The following MCTP1 variants were observed in gnomAD, a reference collection of about 807,000 sequenced individuals.
MCTP1 encodes the protein multiple C2 and transmembrane domain-containing protein 1.
Under a neutral mutation model 120.6 loss-of-function variants are expected in MCTP1, and 69 were observed. The ratio of observed to expected loss-of-function variants is 0.57; its 90% CI spans 0.47 to 0.70. MCTP1 has a LOEUF of 0.70. MCTP1 is among the 30% of genes least tolerant of loss of function. The pLI is 0.00. For synonymous variants in MCTP1, 529 were observed against 493.1 expected, an observed-to-expected ratio of 1.07 and a Z score of -0.96; for missense variants, 1,203 against 1,248.8, an observed-to-expected ratio of 0.96 and a Z score of 0.55.
chr5:95,200,708 TA>T (rs1380202557), intron 1 of MCTP1, among the ~76,000 whole-genome samples: 5 of 152,332 alleles, frequency 3.3e-5, no homozygotes, highest in Admixed American at 2.6e-4. Flanking sequence ...TAGATAAAAG[TA>T]ATAAGTTTAA....
intron 17 of MCTP1, among the ~76,000 whole-genome samples, chr5:94,813,555 C>T (rs755944916): frequency 6.6e-6 from 1 of 152,028 alleles, no homozygotes; most frequent in East Asian, 1.9e-4. Flanking sequence ...TAGAAACAAT[C>T]CAAATGTTTA....
At chr5:94,814,800 G>T (rs1329893196) in intron 17 of MCTP1, among the ~76,000 whole-genome samples, 1 of 152,082 alleles carries the variant, frequency 6.6e-6, no homozygotes, top group Non-Finnish European at 1.5e-5. Context: ...CTTGGCACAG[G>T]AGAATGAGGA....
chr5:95,165,467 C>T (rs1471393018), intron 1 of MCTP1, among the ~76,000 whole-genome samples: 1 of 152,164 alleles, frequency 6.6e-6, no homozygotes, highest in African/African-American at 2.4e-5. Flanking sequence ...TGTGATTACA[C>T]ATCTATATCA....
intron 1 of MCTP1, among the ~76,000 whole-genome samples, chr5:95,025,179 G>A (rs559659537): frequency 3.9e-5 from 6 of 152,158 alleles, no homozygotes; most frequent in Non-Finnish European, 8.8e-5. Flanking sequence ...ATTACAAAGT[G>A]ATAATAATCA....
chr5:95,076,653 C>T (rs1296895113), intron 1 of MCTP1, among the ~76,000 whole-genome samples: 2 of 152,032 alleles, frequency 1.3e-5, no homozygotes, highest in Admixed American at 6.6e-5. Flanking sequence ...AGGGAAATCA[C>T]CACCAGAAAA....
intron 1 of MCTP1, among the ~76,000 whole-genome samples, chr5:95,185,192 T>A (rs1398997269): frequency 6.6e-6 from 1 of 152,090 alleles, no homozygotes; most frequent in East Asian, 1.9e-4. Flanking sequence ...TCAACTTACT[T>A]TATGAGGCTA....
intron 1 of MCTP1, among the ~76,000 whole-genome samples, chr5:95,116,190 A>C (rs1245411638): frequency 2.0e-5 from 3 of 152,216 alleles, no homozygotes; most frequent in Non-Finnish European, 2.9e-5. Flanking sequence ...AAGACAATAA[A>C]AAAGCAATAA....
chr5:95,279,815 A>G (rs573689953), intron 1 of MCTP1, among the ~76,000 whole-genome samples: 1 of 152,308 alleles, frequency 6.6e-6, no homozygotes, highest in Non-Finnish European at 1.5e-5. Context: ...GCTATCACAC[A>G]TCAAACTCCA....
intron 19 of MCTP1, among the ~76,000 whole-genome samples, chr5:94,753,995 G>A (rs1769136414): frequency 6.6e-6 from 1 of 152,140 alleles, no homozygotes; most frequent in Non-Finnish European, 1.5e-5. Context: ...AGAAGGAAAG[G>A]AAGAGAGAAA....
At chr5:95,098,027 C>G (rs916519711) in intron 1 of MCTP1, among the ~76,000 whole-genome samples, 4 of 152,062 alleles carry the variant, frequency 2.6e-5, no homozygotes, top group Non-Finnish European at 5.9e-5. Context: ...ACATATTTTT[C>G]TCTATTCAAC....
At chr5:94,809,117 A>G (rs760414126) in intron 17 of MCTP1, among the ~76,000 whole-genome samples, 5 of 152,160 alleles carry the variant, frequency 3.3e-5, no homozygotes, top group Non-Finnish European at 7.4e-5. Context: ...CTCCACAACA[A>G]AATGGACCCA....
intron 10 of MCTP1, among the ~76,000 whole-genome samples, chr5:94,897,849 G>C (rs1804477630): frequency 6.6e-6 from 1 of 152,086 alleles, no homozygotes; most frequent in South Asian, 2.1e-4. Context: ...CCCTCAAGGA[G>C]GCCCCAGTGT....
At chr5:94,871,710 A>T (rs547515950) in intron 13 of MCTP1, among the ~76,000 whole-genome samples, 1 of 152,228 alleles carries the variant, frequency 6.6e-6, no homozygotes, top group African/African-American at 2.4e-5. Flanking sequence ...TAAGTTATTT[A>T]AAAAATCAAG....
intron 3 of MCTP1, among the ~76,000 whole-genome samples, chr5:94,945,560 C>A (rs1426196523): frequency 6.6e-6 from 1 of 152,146 alleles, no homozygotes; most frequent in Non-Finnish European, 1.5e-5. Flanking sequence ...GTTCCAAGTA[C>A]TGTTCTAGGC....
Position 95,234,928 on chromosome 5 carries a change from T to G in MCTP1, c.720+48928A>C, listed in dbSNP as rs1181555732. ...AACATTAAAGATGAAAAATATTATTTCTACACAAACTCTTCCAAAAAATTT... is the reference window on the plus strand; with the variant it reads ...AACATTAAAGATGAAAAATATTATTGCTACACAAACTCTTCCAAAAAATTT... On this transcript the variant is annotated intron_variant, in intron 1 of 22. Transcript: ENST00000515393. 3.3e-5 allele frequency among the ~76,000 whole-genome samples: 5 copies of G among 152,222 alleles called. No individual in the cohort carries two copies. The East Asian group carries it at 9.6e-4, about 29-fold the overall frequency.
chr5:95,257,796 TACACACACACACACAC>T (rs369408591), intron 1 of MCTP1, among the ~76,000 whole-genome samples: 2 of 125,366 alleles, frequency 1.6e-5, no homozygotes, highest in East Asian at 4.6e-4. Flanking sequence ...CCAGAAAACA[TACACACACACACACAC>T]ACACACACAC....
chr5:95,117,455 C>G (rs1411714149), intron 1 of MCTP1, among the ~76,000 whole-genome samples: 1 of 143,334 alleles, frequency 7.0e-6, no homozygotes, highest in Non-Finnish European at 1.5e-5. Context: ...CAAATCAAAA[C>G]CACAATGAGA....
chr5:94,978,153 C>A (rs947819407), intron 2 of MCTP1, among the ~76,000 whole-genome samples: 2 of 151,962 alleles, frequency 1.3e-5, no homozygotes, highest in African/African-American at 2.4e-5. Flanking sequence ...GAATGAAAAT[C>A]AAAAATACAA....
intron 1 of MCTP1, among the ~76,000 whole-genome samples, chr5:95,231,171 G>GTAAT (rs1316144680): frequency 6.6e-6 from 1 of 152,116 alleles, no homozygotes; most frequent in Non-Finnish European, 1.5e-5. Flanking sequence ...AAAAAGTGGA[G>GTAAT]TAATGTAGGG....
Sources: allele counts gnomAD v4.1 joint callset (sites outside exome capture counted in the v4.1 genomes callset), GRCh38; gene constraint gnomAD v4.1.1; transcripts MANE v1.5; gene names NCBI Gene and HGNC (gene_info 2026-07-23, HGNC 2026-07-21).